Variants in HHLA2 observed in about 807,000 individuals in gnomAD.
HHLA2 encodes the protein HERV-H LTR-associating protein 2.
HHLA2 carries 48 observed loss-of-function variants against 45.9 expected under a neutral mutation model. The observed-to-expected ratio is 1.05, with a 90% CI of 0.83 to 1.33. The LOEUF is 1.33. HHLA2 is among the 40% of genes most tolerant of loss of function. HHLA2 has a pLI of 0.00. For synonymous variants in HHLA2, 161 were observed against 173.9 expected (o/e 0.93, Z 0.59); for missense variants, 462 against 494.3 (o/e 0.93, Z 0.62).
chr3:108,369,792 A>C (rs1400510796), intron 8 of HHLA2, among the ~76,000 whole-genome samples: 1 of 152,208 alleles, frequency 6.6e-6, no homozygotes, highest in Non-Finnish European at 1.5e-5. Flanking sequence ...CCGAGGCTTG[A>C]GTAGGTAAAC....
intron 8 of HHLA2, among the ~76,000 whole-genome samples, chr3:108,375,093 A>G (rs1464508900): frequency 2.0e-4 from 31 of 151,312 alleles, no homozygotes; most frequent in African/African-American, 7.5e-4. Context: ...ATGTCCAACA[A>G]TGATAGACTG....
intron 1 of HHLA2, among the ~76,000 whole-genome samples, chr3:108,308,846 A>T (rs2080972463): frequency 6.6e-6 from 1 of 151,970 alleles, no homozygotes; most frequent in Non-Finnish European, 1.5e-5. Context: ...CCATTTTTTT[A>T]AATTGGATTA....
intron 1 of HHLA2, among the ~76,000 whole-genome samples, chr3:108,298,178 C>T (rs1157045775): frequency 6.6e-6 from 1 of 152,146 alleles, no homozygotes; most frequent in Non-Finnish European, 1.5e-5. Context: ...GACCAATTGC[C>T]TATTCAAGAG....
chr3:108,329,494 G>A (rs2081347162), intron 3 of HHLA2, among the ~76,000 whole-genome samples: 1 of 152,166 alleles, frequency 6.6e-6, no homozygotes, highest in Non-Finnish European at 1.5e-5. Context: ...ATAAATTTGT[G>A]CTTGCTGGAG....
intron 8 of HHLA2, among the ~76,000 whole-genome samples, chr3:108,373,862 A>T (rs1209637476): frequency 6.6e-6 from 1 of 151,804 alleles, no homozygotes; most frequent in Non-Finnish European, 1.5e-5. Flanking sequence ...TTCCATGCTC[A>T]TGGGTAGGAA....
At chr3:108,375,029 A>G (rs1211743385) in intron 8 of HHLA2, among the ~76,000 whole-genome samples, 2 of 149,430 alleles carry the variant, frequency 1.3e-5, no homozygotes, top group East Asian at 2.0e-4. Context: ...ACACATGCAC[A>G]CGTATGTTTA....
At chr3:108,306,715 A>G (rs1047355569) in intron 1 of HHLA2, among the ~76,000 whole-genome samples, 1 of 151,976 alleles carries the variant, frequency 6.6e-6, no homozygotes, top group Non-Finnish European at 1.5e-5. Flanking sequence ...AACATACTAC[A>G]TTTTCTCACT....
intron 5 of HHLA2, 28 bp from the exon 5 acceptor site, chr3:108,355,087 T>C (rs749287027): frequency 9.6e-5 from 153 of 1,590,098 alleles, no homozygotes; most frequent in Non-Finnish European, 1.2e-4. Flanking sequence ...ATGGCAGTTT[T>C]TCATGCGCCC....
chr3:108,352,859 A>G (rs2081805331), intron 4 of HHLA2, among the ~76,000 whole-genome samples: 1 of 151,954 alleles, frequency 6.6e-6, no homozygotes, highest in African/African-American at 2.4e-5. Flanking sequence ...CAAATGAATG[A>G]CTCTCTTTCC....
chr3:108,342,259 CTTTTTT>C (rs58477416), intron 3 of HHLA2, among the ~76,000 whole-genome samples: 7 of 108,092 alleles, frequency 6.5e-5, no homozygotes, highest in East Asian at 3.0e-4. Flanking sequence ...TTCTTTCTCT[CTTTTTT>C]TTTTTTTTTT....
chr3:108,315,815 C>T (rs1013285695), intron 2 of HHLA2, among the ~76,000 whole-genome samples: 8 of 152,106 alleles, frequency 5.3e-5, no homozygotes, highest in Non-Finnish European at 1.0e-4. Flanking sequence ...CTTGATTTTT[C>T]AAACATCTAC....
exon 11 of HHLA2, chr3:108,377,761 T>C (rs2082299503): frequency 1.3e-5 from 2 of 154,122 alleles, no homozygotes; most frequent in South Asian, 4.0e-4. Context: ...TCTAGTTTTA[T>C]ATGAACGGTT....
chr3:108,354,836 T>C (rs996049015), intron 5 of HHLA2, among the ~76,000 whole-genome samples: 1 of 152,260 alleles, frequency 6.6e-6, no homozygotes, highest in African/African-American at 2.4e-5. Context: ...AATGAGGCCA[T>C]TAGATTTCTT....
chr3:108,313,743 C>T (rs530847499), intron 2 of HHLA2, among the ~76,000 whole-genome samples: 173 of 152,282 alleles, frequency 1.1e-3, no homozygotes, highest in African/African-American at 4.0e-3. Context: ...GTAGTTATAT[C>T]CATGGGGTAG....
intron 3 of HHLA2, among the ~76,000 whole-genome samples, chr3:108,351,408 G>A (rs749238449): frequency 1.8e-4 from 27 of 152,146 alleles, no homozygotes; most frequent in Admixed American, 8.5e-4. Flanking sequence ...ATTATCCAGA[G>A]AACCACTGTT....
intron 3 of HHLA2, among the ~76,000 whole-genome samples, chr3:108,346,035 A>G (rs1398439486): frequency 6.6e-6 from 1 of 152,000 alleles, no homozygotes; most frequent in Non-Finnish European, 1.5e-5. Context: ...ACCACCTAGT[A>G]TCTGTTTTCC....
At chr3:108,367,483 C>T (rs2082083416) in intron 8 of HHLA2, among the ~76,000 whole-genome samples, 1 of 151,910 alleles carries the variant, frequency 6.6e-6, no homozygotes, top group African/African-American at 2.4e-5. Flanking sequence ...GAACTGCTAA[C>T]TAGAATAACC....
chr3:108,355,522 C>T, intron 6 of HHLA2, 141 bp downstream of exon 5: 1 of 914,636 alleles, frequency 1.1e-6, no homozygotes, highest in Non-Finnish European at 1.6e-6. Flanking sequence ...AGACCGAAGC[C>T]CTAGGGCTGG....
intron 8 of HHLA2, among the ~76,000 whole-genome samples, chr3:108,370,824 A>G (rs1299579513): frequency 4.6e-5 from 7 of 152,360 alleles, no homozygotes; most frequent in Non-Finnish European, 8.8e-5. Flanking sequence ...ATATGGGACT[A>G]TGTGAAAAGA....
Sources: gnomAD v4.1 joint callset for allele counts (sites outside exome capture counted in the v4.1 genomes callset) on GRCh38, gnomAD v4.1.1 for gene constraint, MANE v1.5 for transcripts, NCBI Gene and HGNC (gene_info 2026-07-23, HGNC 2026-07-21) for gene names.